The following KCNB2 variants were observed in gnomAD, a reference collection of about 807,000 sequenced individuals.
The protein encoded by KCNB2 is potassium voltage-gated channel subfamily B member 2, also known as delayed rectifier potassium channel protein.
A neutral mutation model predicts 61.5 loss-of-function variants in KCNB2; 15 were observed. The observed-to-expected ratio is 0.24, with a 90% CI of 0.16 to 0.38. KCNB2 has a LOEUF of 0.38. Ranked by LOEUF, KCNB2 falls within the 10% of genes least tolerant of loss-of-function variation. The pLI is 1.00. For missense variants in KCNB2, 828 were observed against 1,125.2 expected (o/e 0.74, Z 3.78); for synonymous variants, 457 against 446.0 (o/e 1.02, Z -0.31).
At chr8:72,710,799 G>T (rs1021824585) in intron 2 of KCNB2, among the ~76,000 whole-genome samples, 1 of 152,292 alleles carries the variant, frequency 6.6e-6, no homozygotes, top group East Asian at 1.9e-4. Context: ...ACTTTAGAAA[G>T]AAATTTAAAT....
At chr8:72,610,704 G>A (rs754312794) in intron 2 of KCNB2, among the ~76,000 whole-genome samples, 14 of 152,072 alleles carry the variant, frequency 9.2e-5, no homozygotes, top group East Asian at 3.9e-4. Flanking sequence ...ATGTGGTTAC[G>A]GAATTCAGAC....
chr8:72,859,659 T>G (rs1810263224), intron 2 of KCNB2, among the ~76,000 whole-genome samples: 1 of 149,866 alleles, frequency 6.7e-6, no homozygotes, highest in African/African-American at 2.4e-5. Context: ...TGTAGCATAA[T>G]GATTTCAAGA....
intron 2 of KCNB2, among the ~76,000 whole-genome samples, chr8:72,631,770 A>G (rs1355088924): frequency 6.6e-6 from 1 of 152,208 alleles, no homozygotes; most frequent in Non-Finnish European, 1.5e-5. Flanking sequence ...TTTGAAAAAC[A>G]GGTATTCCTA....
At chr8:72,735,656 A>G (rs73311904) in intron 2 of KCNB2, among the ~76,000 whole-genome samples, 3,859 of 152,198 alleles carry the variant, frequency 0.025, 68 homozygotes, top group South Asian at 0.075. Flanking sequence ...GGACTAGCTA[A>G]TTTTATTTGC....
At chr8:72,651,761 A>G (rs1806213977) in intron 2 of KCNB2, among the ~76,000 whole-genome samples, 1 of 152,156 alleles carries the variant, frequency 6.6e-6, no homozygotes, top group Non-Finnish European at 1.5e-5. Context: ...ACATCAATTT[A>G]TTGTATCATT....
chr8:72,670,727 T>A (rs1403906820), intron 2 of KCNB2, among the ~76,000 whole-genome samples: 1 of 152,208 alleles, frequency 6.6e-6, no homozygotes, highest in Non-Finnish European at 1.5e-5. Flanking sequence ...CAACCTGGCT[T>A]TAAGGTATAT....
intron 2 of KCNB2, among the ~76,000 whole-genome samples, chr8:72,604,669 A>G (rs1365152145): frequency 6.6e-6 from 1 of 152,244 alleles, no homozygotes; most frequent in African/African-American, 2.4e-5. Context: ...TAATTGGATC[A>G]TAAATTAATT....
chr8:72,620,659 A>C (rs1221563831), intron 2 of KCNB2, among the ~76,000 whole-genome samples: 1 of 151,916 alleles, frequency 6.6e-6, no homozygotes, highest in Non-Finnish European at 1.5e-5. Context: ...CCCAGGCTGG[A>C]GTGCAGTGGT....
intron 2 of KCNB2, among the ~76,000 whole-genome samples, chr8:72,862,245 C>T (rs1193126608): frequency 6.6e-6 from 1 of 152,056 alleles, no homozygotes; most frequent in African/African-American, 2.4e-5. Flanking sequence ...AAAATGGCCA[C>T]CATTTTTAAT....
chr8:72,701,040 G>A lies in KCNB2; in HGVS notation c.579+132727G>A, dbSNP rs140811499. 2.1e-3 allele frequency among the ~76,000 whole-genome samples: 324 copies of A among 152,148 alleles called. 3 individuals are homozygous for A. The highest frequency in any genetic ancestry group is 7.2e-3 in the African/African-American group (300 of 41,534). Reference sequence around the variant, plus strand: ...GTTAAACATTTGGGTACCCATGAACGTAAAGATGACAACAATAGTCTCTAA... The same window carrying A: ...GTTAAACATTTGGGTACCCATGAACATAAAGATGACAACAATAGTCTCTAA... On this transcript the variant is annotated intron_variant, in intron 2 of 2. Transcript: ENST00000523207.
chr8:72,935,632 G>A (rs1806883914), intron 2 of KCNB2, among the ~76,000 whole-genome samples: 1 of 152,112 alleles, frequency 6.6e-6, no homozygotes, highest in Admixed American at 6.5e-5. Context: ...AGAGAGGAGA[G>A]ATAATTACTC....
intron 2 of KCNB2, among the ~76,000 whole-genome samples, chr8:72,775,965 G>A (rs967685455): frequency 3.3e-5 from 5 of 152,002 alleles, no homozygotes; most frequent in Non-Finnish European, 2.9e-5. Flanking sequence ...TGTTCATTGC[G>A]GCACTATTCA....
intron 1 of KCNB2, among the ~76,000 whole-genome samples, chr8:72,555,611 A>AT (rs1806414165): frequency 6.6e-6 from 1 of 151,680 alleles, no homozygotes; most frequent in South Asian, 2.1e-4. Flanking sequence ...GAAAAAAAAA[A>AT]TGAAAAAAAC....
intron 2 of KCNB2, among the ~76,000 whole-genome samples, chr8:72,841,843 G>A (rs1047634382): frequency 6.6e-6 from 1 of 152,152 alleles, no homozygotes; most frequent in African/African-American, 2.4e-5. Flanking sequence ...AGACAATGGG[G>A]TTTTCTCAAT....
At chr8:72,812,543 T>C (rs533122104) in intron 2 of KCNB2, among the ~76,000 whole-genome samples, 1 of 152,240 alleles carries the variant, frequency 6.6e-6, no homozygotes, top group East Asian at 1.9e-4. Flanking sequence ...TATATATTTA[T>C]TACATCAAGG....
At chr8:72,539,596 C>A (rs978834515) in intron 1 of KCNB2, among the ~76,000 whole-genome samples, 1 of 152,156 alleles carries the variant, frequency 6.6e-6, no homozygotes, top group African/African-American at 2.4e-5. Context: ...TCTCAAATCT[C>A]CCTCATACAC....
chr8:72,759,329 A>T (rs2128996327), intron 2 of KCNB2, among the ~76,000 whole-genome samples: 1 of 152,342 alleles, frequency 6.6e-6, no homozygotes, highest in Non-Finnish European at 1.5e-5. Context: ...TTCATTGGAA[A>T]TTAAGACATA....
At chr8:72,566,094 C>T (rs1041601095) in intron 1 of KCNB2, among the ~76,000 whole-genome samples, 19 of 151,992 alleles carry the variant, frequency 1.3e-4, no homozygotes, top group Non-Finnish European at 2.6e-4. Flanking sequence ...GTTTCTAGAA[C>T]ACAGTATGGA....
chr8:72,550,175 C>T (rs1467250462), intron 1 of KCNB2, among the ~76,000 whole-genome samples: 2 of 152,232 alleles, frequency 1.3e-5, no homozygotes, highest in Admixed American at 6.5e-5. Context: ...TTGTTTGCCT[C>T]TGACTTGCCC....
Sources: allele counts gnomAD v4.1 joint callset (sites outside exome capture counted in the v4.1 genomes callset), GRCh38; gene constraint gnomAD v4.1.1; transcripts MANE v1.5; gene names NCBI Gene and HGNC (gene_info 2026-07-23, HGNC 2026-07-21).